Variants in TMPO observed in about 807,000 individuals in gnomAD.
The protein encoded by TMPO is LEM domain containing 4.
In TMPO, 22 loss-of-function variants were observed where a neutral mutation model predicts 45.4. The observed-to-expected ratio is 0.48, with a 90% CI of 0.35 to 0.69. The LOEUF is 0.69. Among genes scored for constraint, TMPO ranks in the 30% least tolerant of loss-of-function variants. TMPO has a pLI of 0.01. For synonymous variants in TMPO, 241 were observed against 204.1 expected (o/e 1.18, Z -1.54); for missense variants, 512 against 548.8 (o/e 0.93, Z 0.67).
chr12:98,519,863 A>G lies in TMPO; in HGVS notation c.279+3717A>G, dbSNP rs142257215. 3.9e-3 allele frequency among the ~76,000 whole-genome samples: 591 copies of G among 152,278 alleles called. 2 individuals carry two copies. The highest frequency in any genetic ancestry group is 7.1e-3 in the Non-Finnish European group (481 of 68,024). On this transcript the variant is annotated intron_variant, in intron 1 of 8. Coordinates refer to ENST00000556029, the MANE Select transcript of TMPO (RefSeq NM_001032283.3). ...TTTATGTGTAAAATTATTCATGTCAATTCCTCTTATATGTACTATATTTTA... is the reference window on the plus strand; with the variant it reads ...TTTATGTGTAAAATTATTCATGTCAGTTCCTCTTATATGTACTATATTTTA...
At chr12:98,534,313 GTAAT>G in intron 3 of TMPO, 1 of 1,612,892 alleles carries the variant, frequency 6.2e-7, no homozygotes, top group Non-Finnish European at 8.5e-7. Context: ...AGTATGCAAA[GTAAT>G]TAAAAAGCGT....
intron 8 of TMPO, among the ~76,000 whole-genome samples, chr12:98,547,137 G>A (rs146799427): frequency 0.053 from 7,959 of 150,970 alleles, 293 homozygotes; most frequent in Admixed American, 0.082. Context: ...GTACAGTGGC[G>A]TGATCTCGGC....
chr12:98,538,971 C>T lies in TMPO; in HGVS notation c.663+1399C>T, dbSNP rs1288881300. Among the ~76,000 whole-genome samples, 7 of 151,990 alleles carry T rather than the reference C, an allele frequency of 4.6e-5. No homozygotes were observed. In the South Asian group the frequency reaches 8.3e-4, roughly 18 times the overall value. On this transcript the variant is annotated intron_variant, in intron 4 of 8. Transcript: ENST00000556029. The stretch of plus-strand genomic sequence containing the variant: ...ATCCCAGCACTTTGGGAGGCCGAGG[C>T]GGGCGGATCACCTGAGGTCCGGAGT...
intron 3 of TMPO, chr12:98,534,759 T>C (rs1252570773): frequency 9.9e-7 from 1 of 1,014,068 alleles, no homozygotes; most frequent in Admixed American, 5.3e-5. Flanking sequence ...TGTTGTTCTT[T>C]TTGATACTTT....
At chr12:98,542,143 C>T (rs780878491) in intron 4 of TMPO, among the ~76,000 whole-genome samples, 10 of 152,106 alleles carry the variant, frequency 6.6e-5, no homozygotes, top group Non-Finnish European at 1.2e-4. Flanking sequence ...GCCAGTTTAT[C>T]TTGGGGAAGC....
intron 1 of TMPO, among the ~76,000 whole-genome samples, chr12:98,523,591 T>C (rs1054029516): frequency 1.3e-5 from 2 of 152,172 alleles, no homozygotes; most frequent in African/African-American, 4.8e-5. Flanking sequence ...ACTTACCTTA[T>C]GTAGATTTGT....
chr12:98,540,670 G>A (rs758086757), intron 4 of TMPO, among the ~76,000 whole-genome samples: 2 of 152,178 alleles, frequency 1.3e-5, no homozygotes, highest in South Asian at 2.1e-4. Flanking sequence ...GAGCCACTGC[G>A]CCTGGCGGAA....
intron 1 of TMPO, among the ~76,000 whole-genome samples, chr12:98,522,607 T>C (rs1249139231): frequency 1.3e-5 from 2 of 152,224 alleles, no homozygotes; most frequent in African/African-American, 2.4e-5. Context: ...ATATGTGAAG[T>C]GTCTAGTGCT....
intron 1 of TMPO, among the ~76,000 whole-genome samples, chr12:98,517,245 A>G (rs968359879): frequency 3.9e-5 from 6 of 152,216 alleles, no homozygotes; most frequent in Non-Finnish European, 8.8e-5. Flanking sequence ...CAGTATTGCA[A>G]TTTGGAATGT....
At chr12:98,542,963 C>A (rs144767688) in intron 4 of TMPO, among the ~76,000 whole-genome samples, 1 of 152,300 alleles carries the variant, frequency 6.6e-6, no homozygotes, top group East Asian at 1.9e-4. Context: ...GCAAATACTT[C>A]CTAATTGATA....
rs771235394 is a variant in TMPO at position 98,531,867 on chromosome 12, G to A, written c.565+29G>A. The A allele has an allele frequency of 3.8e-6, 6 of 1,595,984 alleles. No individual in the cohort carries two copies. In the East Asian group the frequency reaches 1.3e-4, roughly 36 times the overall value. ...AAATTTTAAATGATGTTAATCAAAT[G>A]TATGGAATTTTTTCACACTCAAAAT... On this transcript the variant is annotated intron_variant, in intron 3 of 8. Coordinates refer to ENST00000556029, the MANE Select transcript of TMPO (RefSeq NM_001032283.3).
chr12:98,520,897 T>G (rs1030155018), intron 1 of TMPO, among the ~76,000 whole-genome samples: 3 of 151,910 alleles, frequency 2.0e-5, no homozygotes, highest in Non-Finnish European at 4.4e-5. Context: ...TTAAAGAATA[T>G]TTATAATCTT....
Position 98,515,762 on chromosome 12 carries a change from G to T in TMPO, c.-106G>T. On this transcript the variant is annotated 5_prime_UTR_variant, in exon 1 of 9. Transcript: ENST00000556029. Reference sequence around the variant, plus strand: ...TCCGCAGCGCTCTTCCCGGGCAGGAGCCGTGAGGCTCGGAGGCGGCAGCGC... The same window carrying T: ...TCCGCAGCGCTCTTCCCGGGCAGGATCCGTGAGGCTCGGAGGCGGCAGCGC... 6.5e-7 allele frequency: 1 copy of T among 1,545,286 alleles called. No individual in the cohort carries two copies. The highest frequency in any genetic ancestry group is 2.5e-5 in the East Asian group (1 of 40,784).
rs999131571 is a variant in TMPO, at chr12:98,519,889, C to T, written c.279+3743C>T. On this transcript the variant is annotated intron_variant, in intron 1 of 8. Coordinates refer to ENST00000556029, the MANE Select transcript of TMPO (RefSeq NM_001032283.3). ...TTCCTCTTATATGTACTATATTTTA[C>T]GTTTTGGTCATTTTTAGCCCCATAT... Among the ~76,000 whole-genome samples, 12 of 152,142 alleles carry T rather than the reference C, an allele frequency of 7.9e-5. 1 individual carries two copies. The East Asian group carries it at 1.9e-3, about 24-fold the overall frequency.
chr12:98,544,370 T>G, intron 5 of TMPO, 21 bp downstream of exon 5: 1 of 1,613,936 alleles, frequency 6.2e-7, no homozygotes, highest in Non-Finnish European at 8.5e-7. Flanking sequence ...GCTTATTCCT[T>G]GGGTTTTCAG....
At position 98,515,829 on chromosome 12, in the gene TMPO, G is replaced by C; in HGVS notation, c.-39G>C. 1 of 1,589,346 alleles carries C rather than the reference G, an allele frequency of 6.3e-7. No individual in the cohort carries two copies. Among genetic ancestry groups the C allele is most frequent in the Non-Finnish European group, 8.6e-7 (1 of 1,169,242 alleles). The stretch of plus-strand genomic sequence containing the variant: ...CAAGCGCGCCGGCGTGAGCGGCGGC[G>C]GCAAAGGCTGTGGGGAGGGGGCTTC... On this transcript the variant is annotated 5_prime_UTR_variant, in exon 1 of 9. Transcript: ENST00000556029.
At chr12:98,522,032 GTGTT>G (rs753177108) in intron 1 of TMPO, among the ~76,000 whole-genome samples, 65 of 151,986 alleles carry the variant, frequency 4.3e-4, no homozygotes, top group African/African-American at 1.3e-3. Flanking sequence ...GCCTGTCTGT[GTGTT>G]TGTTTGTTTT....
chr12:98,517,069 A>C (rs940809815), intron 1 of TMPO, among the ~76,000 whole-genome samples: 1 of 152,168 alleles, frequency 6.6e-6, no homozygotes, highest in African/African-American at 2.4e-5. Flanking sequence ...CCTCGGCCTC[A>C]CAAAGTGCTG....
In TMPO at chr12:98,528,809, A is replaced by G. The variant is rs554442921; in HGVS notation, c.406+797A>G. ...TCCCATCTCTGCAGAAAATTTTAAA[A>G]TTAGCAGGGTGTGGTGTCACAAATC... is the stretch of plus-strand genomic sequence containing the variant. On this transcript the variant is annotated intron_variant, in intron 2 of 8. Transcript: ENST00000556029. 1.4e-3 allele frequency among the ~76,000 whole-genome samples: 209 copies of G among 152,188 alleles called. 1 individual carries two copies. The highest frequency in any genetic ancestry group is 5.0e-3 in the African/African-American group (207 of 41,530).
Sources: gnomAD v4.1 joint callset for allele counts (sites outside exome capture counted in the v4.1 genomes callset) on GRCh38, gnomAD v4.1.1 for gene constraint, MANE v1.5 for transcripts, NCBI Gene and HGNC (gene_info 2026-07-23, HGNC 2026-07-21) for gene names.